Variants in SLC8A3 observed in about 807,000 individuals in gnomAD.
SLC8A3 encodes sodium/calcium exchanger 3.
SLC8A3 carries 37 observed loss-of-function variants against 65.4 expected under a neutral mutation model. The observed-to-expected ratio is 0.57, with a 90% CI of 0.44 to 0.74. The LOEUF (loss-of-function observed/expected upper bound fraction) is 0.74. SLC8A3 is among the 30% of genes least tolerant of loss of function. SLC8A3 has a pLI of 0.00. For synonymous variants in SLC8A3, 461 were observed against 444.5 expected, an observed-to-expected ratio of 1.04 and a Z score of -0.47; for missense variants, 1,112 against 1,172.1, an observed-to-expected ratio of 0.95 and a Z score of 0.75.
chr14:70,159,459 A>C (rs900645893), intron 2 of SLC8A3, among the ~76,000 whole-genome samples: 8 of 151,918 alleles, frequency 5.3e-5, no homozygotes. Flanking sequence ...CTAAGGAAAC[A>C]TCTTGAATAA....
chr14:70,058,436 G>A (rs554987230), intron 3 of SLC8A3, among the ~76,000 whole-genome samples: 1 of 152,302 alleles, frequency 6.6e-6, no homozygotes, highest in South Asian at 2.1e-4. Context: ...AAAATAGGCA[G>A]CTGGAAAATT....
chr14:70,148,826 G>A lies in SLC8A3; in HGVS notation c.1784+17813C>T, dbSNP rs149051344. On this transcript the variant is annotated intron_variant, in intron 2 of 6. Coordinates refer to ENST00000356921, the MANE Select transcript of SLC8A3 (RefSeq NM_182932.3). ...CAGGGCAGCAGCAACGTGTTCTATA[G>A]GAAAGAACTTCTAAAGTGGGAAGAG... Among the ~76,000 whole-genome samples the A allele has an allele frequency of 1.1e-3, 168 of 152,314 alleles. 2 individuals are homozygous for A. In the East Asian group the frequency reaches 0.023, roughly 20 times the overall value.
chr14:70,142,872 G>T (rs559746358), intron 2 of SLC8A3, among the ~76,000 whole-genome samples: 34 of 152,260 alleles, frequency 2.2e-4, no homozygotes, highest in South Asian at 4.1e-4. Context: ...AGAAGTCACC[G>T]TTTTAGAGTT....
At chr14:70,075,327 T>C (rs1890400292) in intron 2 of SLC8A3, among the ~76,000 whole-genome samples, 1 of 152,166 alleles carries the variant, frequency 6.6e-6, no homozygotes. Flanking sequence ...AGAGGAACTA[T>C]CTGCCCTTTG....
chr14:70,106,854 A>G (rs1006701865), intron 2 of SLC8A3, among the ~76,000 whole-genome samples: 3 of 152,170 alleles, frequency 2.0e-5, no homozygotes, highest in African/African-American at 4.8e-5. Context: ...TTGTATCCCA[A>G]TGCCAAACAC....
At chr14:70,058,772 A>G (rs918685062) in intron 3 of SLC8A3, among the ~76,000 whole-genome samples, 2 of 152,178 alleles carry the variant, frequency 1.3e-5, no homozygotes, top group African/African-American at 4.8e-5. Flanking sequence ...TGGACTTCCA[A>G]TCTCTTCCTC....
chr14:70,049,031 C>T lies in SLC8A3; in HGVS notation c.2125G>A (p.Asp709Asn). The change falls in exon 6 of 7, where the codon GAT becomes AAT. Residue 709 changes from aspartate to asparagine, a missense_variant. Asp to Asn is a conservative substitution (Grantham distance 23). Transcript: ENST00000356921. Reference protein sequence around the residue: ...AITVSAAGDEDEDESGEERLP... With the variant: ...AITVSAAGDENEDESGEERLP... Reference sequence around the variant, plus strand: ...CTCTCCTCCCCGGATTCATCCTCATCCTCATCCCCTGCTGAAGGCAAGATA... The same window carrying T: ...CTCTCCTCCCCGGATTCATCCTCATTCTCATCCCCTGCTGAAGGCAAGATA... The T allele has an allele frequency of 6.2e-7, 1 of 1,606,868 alleles. No individual in the cohort carries two copies. Among genetic ancestry groups the T allele is most frequent in the African/African-American group, 1.3e-5 (1 of 74,900 alleles).
At chr14:70,077,495 G>C (rs1020559206) in intron 2 of SLC8A3, among the ~76,000 whole-genome samples, 2 of 152,274 alleles carry the variant, frequency 1.3e-5, no homozygotes. Flanking sequence ...CACGGACAGG[G>C]CTTCCAGGGT....
At chr14:70,095,968 A>C (rs768951827) in intron 2 of SLC8A3, among the ~76,000 whole-genome samples, 3 of 150,918 alleles carry the variant, frequency 2.0e-5, no homozygotes, top group Admixed American at 6.6e-5. Context: ...TGCAACCTCC[A>C]CCTCCCGGGT....
intron 2 of SLC8A3, among the ~76,000 whole-genome samples, chr14:70,100,114 A>G (rs1892465500): frequency 6.6e-6 from 1 of 152,250 alleles, no homozygotes; most frequent in African/African-American, 2.4e-5. Context: ...GACTGGATAA[A>G]TAAATGAGTT....
At chr14:70,084,835 T>C (rs191073277) in intron 2 of SLC8A3, among the ~76,000 whole-genome samples, 1 of 152,310 alleles carries the variant, frequency 6.6e-6, no homozygotes, top group African/African-American at 2.4e-5. Context: ...AGAATTCTGT[T>C]TCCCAAATGG....
chr14:70,181,185 G>T (rs1882717599), intron 1 of SLC8A3, among the ~76,000 whole-genome samples: 1 of 152,148 alleles, frequency 6.6e-6, no homozygotes, highest in Admixed American at 6.5e-5. Context: ...TGTCAGAAGT[G>T]ATAAGAATTA....
At chr14:70,134,198 C>G (rs1895041999) in intron 2 of SLC8A3, among the ~76,000 whole-genome samples, 1 of 152,224 alleles carries the variant, frequency 6.6e-6, no homozygotes, top group South Asian at 2.1e-4. Flanking sequence ...CTGTATGCTA[C>G]TCTGTCTCAT....
rs560785908 is a variant in SLC8A3, at chr14:70,147,877, G to A, written c.1784+18762C>T. Among the ~76,000 whole-genome samples the A allele has an allele frequency of 7.2e-5, 11 of 152,266 alleles. No homozygotes were observed. The East Asian group carries it at 7.7e-4, about 11-fold the overall frequency. On this transcript the variant is annotated intron_variant, in intron 2 of 6. Transcript: ENST00000356921. ...AGTAATTAGTTATGCAATAGAAAACGAATATGCATTGTCAAGCTCTAGCAG... is the reference window on the plus strand; with the variant it reads ...AGTAATTAGTTATGCAATAGAAAACAAATATGCATTGTCAAGCTCTAGCAG...
chr14:70,174,366 G>A (rs911163353), intron 1 of SLC8A3, among the ~76,000 whole-genome samples: 24 of 152,182 alleles, frequency 1.6e-4, no homozygotes, highest in African/African-American at 5.8e-4. Context: ...ACCCTCTTAG[G>A]GCAGCAGCTT....
At chr14:70,091,758 A>G (rs936175802) in intron 2 of SLC8A3, among the ~76,000 whole-genome samples, 1 of 152,222 alleles carries the variant, frequency 6.6e-6, no homozygotes, top group Non-Finnish European at 1.5e-5. Flanking sequence ...TTTCGAAGTC[A>G]TGTTTAGAAG....
chr14:70,134,410 C>T (rs995305254), intron 2 of SLC8A3, among the ~76,000 whole-genome samples: 1 of 152,088 alleles, frequency 6.6e-6, no homozygotes, highest in Non-Finnish European at 1.5e-5. Context: ...CTTTGCCGTC[C>T]ATACCACTCG....
intron 2 of SLC8A3, among the ~76,000 whole-genome samples, chr14:70,119,092 T>C (rs1421305810): frequency 1.3e-5 from 2 of 152,132 alleles, no homozygotes; most frequent in Admixed American, 6.5e-5. Flanking sequence ...TTCATTTAAG[T>C]GCAAGTAGTT....
chr14:70,087,849 C>G (rs1416204921), intron 2 of SLC8A3, among the ~76,000 whole-genome samples: 1 of 152,158 alleles, frequency 6.6e-6, no homozygotes, highest in Non-Finnish European at 1.5e-5. Flanking sequence ...CTAACAAGTT[C>G]TCTAAATATT....
Sources: allele counts gnomAD v4.1 joint callset (sites outside exome capture counted in the v4.1 genomes callset), GRCh38; gene constraint gnomAD v4.1.1; transcripts MANE v1.5; gene names NCBI Gene and HGNC (gene_info 2026-07-23, HGNC 2026-07-21).